RASSF3: variants seen among roughly 807,000 people sequenced by gnomAD.
The protein encoded by RASSF3 is ras association domain-containing protein 3.
A neutral mutation model predicts 19.9 loss-of-function variants in RASSF3; 19 were observed. The ratio of observed to expected loss-of-function variants is 0.96; its 90% CI spans 0.67 to 1.40. The LOEUF (loss-of-function observed/expected upper bound fraction) is 1.40, where lower values mean the gene tolerates loss of function less well. RASSF3 is among the 40% of genes most tolerant of loss of function. The pLI is 0.00. For missense variants in RASSF3, 306 were observed against 289.8 expected, an observed-to-expected ratio of 1.06 and a Z score of -0.41; for synonymous variants, 110 against 104.2, an observed-to-expected ratio of 1.06 and a Z score of -0.34.
At chr12:64,562,747 A>C (rs1231217686) in intron 2 of RASSF3, among the ~76,000 whole-genome samples, 1 of 151,940 alleles carries the variant, frequency 6.6e-6, no homozygotes, top group Non-Finnish European at 1.5e-5. Flanking sequence ...CAGCCTCCCA[A>C]GTAGCTAGGA....
intron 2 of RASSF3, among the ~76,000 whole-genome samples, chr12:64,571,787 G>A (rs1869523342): frequency 6.6e-6 from 1 of 152,004 alleles, no homozygotes; most frequent in South Asian, 2.1e-4. Flanking sequence ...CTGTCCATAT[G>A]GTGTCTCCTC....
At chr12:64,635,483 C>T (rs1871301716) in intron 1 of RASSF3, among the ~76,000 whole-genome samples, 1 of 152,156 alleles carries the variant, frequency 6.6e-6, no homozygotes, top group Non-Finnish European at 1.5e-5. Flanking sequence ...TGTGTAAGGG[C>T]AGTGAAGAGC....
chr12:64,644,898 G>A (rs1433147934), intron 1 of RASSF3, among the ~76,000 whole-genome samples: 1 of 151,794 alleles, frequency 6.6e-6, no homozygotes, highest in East Asian at 1.9e-4. Context: ...AGCAAAACCT[G>A]TCTCTACAAA....
At chr12:64,570,462 C>G (rs1410238072) in intron 2 of RASSF3, among the ~76,000 whole-genome samples, 1 of 152,158 alleles carries the variant, frequency 6.6e-6, no homozygotes, top group African/African-American at 2.4e-5. Context: ...GACCTCATTT[C>G]TGATTTATGA....
At chr12:64,603,168 TTTTTTG>T (rs1468801310) in intron 2 of RASSF3, among the ~76,000 whole-genome samples, 2 of 152,058 alleles carry the variant, frequency 1.3e-5, no homozygotes, top group African/African-American at 4.8e-5. Context: ...TTTAACTTTT[TTTTTTG>T]TTGTTGTTGT....
chr12:64,640,243 T>TA (rs1307347047), intron 1 of RASSF3, among the ~76,000 whole-genome samples: 1 of 152,202 alleles, frequency 6.6e-6, no homozygotes, highest in African/African-American at 2.4e-5. Flanking sequence ...ACACCAGTGA[T>TA]ACCACCACAC....
At chr12:64,511,551 G>A (rs1177804873) in intron 1 of RASSF3, among the ~76,000 whole-genome samples, 1 of 152,138 alleles carries the variant, frequency 6.6e-6, no homozygotes, top group African/African-American at 2.4e-5. Flanking sequence ...CTAAGTTTTA[G>A]GCTCCTGCTT....
At chr12:64,657,735 C>T (rs1872210985) in intron 1 of RASSF3, among the ~76,000 whole-genome samples, 1 of 152,230 alleles carries the variant, frequency 6.6e-6, no homozygotes, top group Non-Finnish European at 1.5e-5. Context: ...CCCCAAGGCA[C>T]TTTTAATCCA....
chr12:64,689,743 G>A (rs931565524), intron 3 of RASSF3, among the ~76,000 whole-genome samples: 14 of 147,912 alleles, frequency 9.5e-5, no homozygotes, highest in Non-Finnish European at 1.3e-4. Context: ...TGAAGCTACC[G>A]GAGCTTATAT....
At chr12:64,654,085 A>G (rs1407938073) in intron 1 of RASSF3, 1 of 152,218 alleles carries the variant, frequency 6.6e-6, no homozygotes, top group East Asian at 1.9e-4. Flanking sequence ...TCTGACTAGA[A>G]TTAATTTGGT....
intron 2 of RASSF3, chr12:64,599,342 G>T (rs1444924406): frequency 6.6e-6 from 1 of 152,194 alleles, no homozygotes; most frequent in Admixed American, 6.5e-5. Context: ...CTTAGCAGAA[G>T]CGTGGGGGTA....
upstream of RASSF3, among the ~76,000 whole-genome samples, chr12:64,607,408 C>T (rs546746881): frequency 6.6e-5 from 10 of 152,256 alleles, no homozygotes; most frequent in East Asian, 1.9e-4. Flanking sequence ...CTCCCTGTGT[C>T]GCCCAGGATA....
intron 1 of RASSF3, among the ~76,000 whole-genome samples, chr12:64,673,400 AT>A (rs2136208859): frequency 6.6e-6 from 1 of 152,186 alleles, no homozygotes; most frequent in African/African-American, 2.4e-5. Context: ...CTTACTTTGT[AT>A]TTATTGTTTG....
At chr12:64,530,058 A>G (rs1868673952), upstream of RASSF3, among the ~76,000 whole-genome samples, 1 of 151,908 alleles carries the variant, frequency 6.6e-6, no homozygotes, top group African/African-American at 2.4e-5. Flanking sequence ...CAAATCCATC[A>G]CTCCAAAAGT....
At position 64,628,735 on chromosome 12, in the gene RASSF3, G is replaced by A. The variant is rs961265399; in HGVS notation, c.111+17992G>A. The stretch of plus-strand genomic sequence containing the variant: ...TGGTCTTGAACTCGTGACCTAAGGT[G>A]ATCTGCCTGCCTTGGCCTCCCAAAG... On this transcript the variant is annotated intron_variant, in intron 1 of 4. Coordinates refer to ENST00000542104, the MANE Select transcript of RASSF3 (RefSeq NM_178169.4). 7.2e-5 allele frequency among the ~76,000 whole-genome samples: 11 copies of A among 152,194 alleles called. No individual in the cohort carries two copies. The East Asian group carries it at 2.1e-3, about 29-fold the overall frequency.
chr12:64,569,497 C>T (rs1381584232), intron 2 of RASSF3, among the ~76,000 whole-genome samples: 1 of 152,240 alleles, frequency 6.6e-6, no homozygotes, highest in Non-Finnish European at 1.5e-5. Flanking sequence ...CCATGAGTTA[C>T]AACCAGTTCC....
chr12:64,548,362 A>AT (rs1869104861), intron 2 of RASSF3, among the ~76,000 whole-genome samples: 2 of 150,812 alleles, frequency 1.3e-5, no homozygotes, highest in South Asian at 2.1e-4. Context: ...TTATTTATTT[A>AT]TTTTTTTTGT....
intron 2 of RASSF3, among the ~76,000 whole-genome samples, chr12:64,570,621 T>C (rs1434633992): frequency 1.3e-5 from 2 of 152,202 alleles, no homozygotes; most frequent in Admixed American, 1.3e-4. Flanking sequence ...GAAATATACT[T>C]CTATCCAGCA....
intron 2 of RASSF3, among the ~76,000 whole-genome samples, chr12:64,586,992 C>A (rs917645407): frequency 6.6e-6 from 1 of 151,836 alleles, no homozygotes; most frequent in Non-Finnish European, 1.5e-5. Flanking sequence ...AATGCTCTAT[C>A]TCCAAGTTGA....
Sources: gnomAD v4.1 joint callset for allele counts (sites outside exome capture counted in the v4.1 genomes callset) on GRCh38, gnomAD v4.1.1 for gene constraint, MANE v1.5 for transcripts, NCBI Gene and HGNC (gene_info 2026-07-23, HGNC 2026-07-21) for gene names.